ARMC8: variants seen among roughly 807,000 people sequenced by gnomAD.
The protein encoded by ARMC8 is armadillo repeat containing 8.
In ARMC8, 20 loss-of-function variants were observed where a neutral mutation model predicts 99.3. The observed-to-expected ratio is 0.20, with a 90% CI of 0.14 to 0.29. The LOEUF (loss-of-function observed/expected upper bound fraction) is 0.29. ARMC8 is among the 10% of genes least tolerant of loss of function. ARMC8 has a pLI of 1.00. For missense variants in ARMC8, 569 were observed against 809.5 expected, an observed-to-expected ratio of 0.70 and a Z score of 3.60; for synonymous variants, 263 against 278.3, an observed-to-expected ratio of 0.95 and a Z score of 0.55.
chr3:138,283,014 A>T (rs954009584), intron 18 of ARMC8, among the ~76,000 whole-genome samples: 1 of 152,178 alleles, frequency 6.6e-6, no homozygotes, highest in Non-Finnish European at 1.5e-5. Flanking sequence ...TGTCTGTCCC[A>T]CTTCTTGGGC....
rs187217179 is a variant in ARMC8, at chr3:138,297,943, A to G, written c.*2051A>G. The G allele has an allele frequency of 9.2e-5, 14 of 152,374 alleles. No homozygotes were observed. Among genetic ancestry groups the G allele is most frequent in the African/African-American group, 3.4e-4 (14 of 41,592 alleles). The allele number at this position is 152,374 out of a possible 1,614,324, so 9.4% of individuals were successfully genotyped here. ...ATAGCATTAGAAAGCTGAAGGCCCA[A>G]TGAAATAACACTTTCACACTTAAAC... On this transcript the variant is annotated 3_prime_UTR_variant, in exon 22 of 22. Coordinates refer to ENST00000469044, the MANE Select transcript of ARMC8 (RefSeq NM_001363941.2).
intron 6 of ARMC8, among the ~76,000 whole-genome samples, chr3:138,229,744 A>G (rs1559959156): frequency 1.3e-5 from 2 of 152,226 alleles, no homozygotes; most frequent in Admixed American, 6.5e-5. Flanking sequence ...TGTTGAATGT[A>G]TCATTTTTGA....
intron 1 of ARMC8, among the ~76,000 whole-genome samples, chr3:138,206,454 C>T (rs545876575): frequency 6.6e-6 from 1 of 152,140 alleles, no homozygotes; most frequent in African/African-American, 2.4e-5. Context: ...CTATAATGGC[C>T]TCCTATTCTT....
At chr3:138,244,422 C>T (rs764490104) in intron 11 of ARMC8, among the ~76,000 whole-genome samples, 2 of 152,078 alleles carry the variant, frequency 1.3e-5, no homozygotes, top group Non-Finnish European at 2.9e-5. Context: ...GGACTACAGG[C>T]GCCTGCCACC....
chr3:138,276,398 T>C (rs2049296905), intron 18 of ARMC8, among the ~76,000 whole-genome samples: 1 of 152,160 alleles, frequency 6.6e-6, no homozygotes, highest in African/African-American at 2.4e-5. Context: ...TGCCCTTAAA[T>C]TGGGAACAAG....
intron 6 of ARMC8, among the ~76,000 whole-genome samples, chr3:138,229,413 A>C (rs1576687610): frequency 6.8e-6 from 1 of 147,632 alleles, no homozygotes; most frequent in South Asian, 2.1e-4. Flanking sequence ...TGGAGCATTT[A>C]GTTTGTTTCC....
At chr3:138,189,675 A>G (rs779297710) in intron 1 of ARMC8, among the ~76,000 whole-genome samples, 21 of 152,214 alleles carry the variant, frequency 1.4e-4, no homozygotes, top group Admixed American at 2.6e-4. Flanking sequence ...GAGGCATTCA[A>G]GTTGTTTTAA....
At position 138,223,497 on chromosome 3, in the gene ARMC8, A is replaced by G. The variant is rs747794068; in HGVS notation, c.303A>G (p.Leu101=). The change falls in exon 4 of 22, where the codon CTA becomes CTG. Residue 101 remains leucine (L), a synonymous_variant. Transcript: ENST00000469044. ...AMGTENNVKS[L]LDCHIIPALL... is the part of the protein sequence containing the mutation. ...GTACTGAAAACAATGTCAAGTCTCTACTGGACTGCCATATTATCCCTGCCT... is the reference window on the plus strand; with the variant it reads ...GTACTGAAAACAATGTCAAGTCTCTGCTGGACTGCCATATTATCCCTGCCT... The G allele has an allele frequency of 1.2e-6, 2 of 1,614,096 alleles. No individual in the cohort carries two copies. Among genetic ancestry groups the G allele is most frequent in the South Asian group, 1.1e-5 (1 of 91,090 alleles).
rs1250658221 is a variant in ARMC8, at chr3:138,297,290, C to T, written c.*1398C>T. 7 of 152,184 alleles carry T rather than the reference C, an allele frequency of 4.6e-5. No individual in the cohort carries two copies. The East Asian group carries it at 1.3e-3, about 29-fold the overall frequency. The allele number at this position is 152,184 out of a possible 1,614,324, so 9.4% of individuals were successfully genotyped here. ...CCTTTCTGCACCCCTTAGCTTGGCCCCTGCTCCAACTTCTGGGTCAGCAGC... is the reference window on the plus strand; with the variant it reads ...CCTTTCTGCACCCCTTAGCTTGGCCTCTGCTCCAACTTCTGGGTCAGCAGC... On this transcript the variant is annotated 3_prime_UTR_variant, in exon 22 of 22. Coordinates refer to ENST00000469044, the MANE Select transcript of ARMC8 (RefSeq NM_001363941.2).
At chr3:138,221,129 G>A (rs1053206297) in intron 2 of ARMC8, among the ~76,000 whole-genome samples, 2 of 152,168 alleles carry the variant, frequency 1.3e-5, no homozygotes, top group Non-Finnish European at 2.9e-5. Context: ...TTGTGGAATA[G>A]AGTTTTGCTC....
chr3:138,231,208 T>A (rs1206655185), intron 6 of ARMC8, among the ~76,000 whole-genome samples: 1 of 152,240 alleles, frequency 6.6e-6, no homozygotes, highest in Admixed American at 6.5e-5. Context: ...TGACAACATG[T>A]ATCTTTGAGA....
chr3:138,259,870 A>G (rs1403976654), intron 12 of ARMC8, among the ~76,000 whole-genome samples: 2 of 152,214 alleles, frequency 1.3e-5, no homozygotes, highest in Non-Finnish European at 2.9e-5. Context: ...CCTAGATTGT[A>G]AAATTCCTGT....
intron 21 of ARMC8, among the ~76,000 whole-genome samples, chr3:138,294,574 CTG>C (rs918693667): frequency 2.4e-4 from 37 of 152,298 alleles, no homozygotes; most frequent in Admixed American, 2.2e-3. Flanking sequence ...ACTTAAAAAA[CTG>C]TTGTGTCCAT....
intron 12 of ARMC8, among the ~76,000 whole-genome samples, chr3:138,251,129 T>C (rs2047105156): frequency 6.6e-6 from 1 of 151,110 alleles, no homozygotes; most frequent in South Asian, 2.1e-4. Flanking sequence ...ACTGTACTAC[T>C]GCACTACAGC....
intron 12 of ARMC8, chr3:138,245,393 A>G (rs2046835745): frequency 7.2e-7 from 1 of 1,396,856 alleles, no homozygotes; most frequent in Non-Finnish European, 9.3e-7. Context: ...GCCGTGCTGG[A>G]ATGACAAATA....
chr3:138,289,178 G>A, intron 20 of ARMC8, 58 bp downstream of exon 20: 2 of 1,396,014 alleles, frequency 1.4e-6, no homozygotes, highest in Non-Finnish European at 2.0e-6. Context: ...TCTTGCACAG[G>A]GAAGCTAGCA....
intron 6 of ARMC8, among the ~76,000 whole-genome samples, chr3:138,230,295 T>G (rs1464520125): frequency 6.6e-6 from 1 of 152,132 alleles, no homozygotes; most frequent in Non-Finnish European, 1.5e-5. Flanking sequence ...AACAACAAAA[T>G]GACGTCTTAT....
At chr3:138,259,358 A>AT (rs1168242943) in intron 12 of ARMC8, among the ~76,000 whole-genome samples, 1 of 151,986 alleles carries the variant, frequency 6.6e-6, no homozygotes, top group Non-Finnish European at 1.5e-5. Flanking sequence ...TTTTGTCCTC[A>AT]TTTTTGTCAG....
rs2043119062 is a variant in ARMC8 at position 138,187,357 on chromosome 3, A to G, written c.-198A>G. On this transcript the variant is annotated 5_prime_UTR_variant, in exon 1 of 22. Coordinates refer to ENST00000469044, the MANE Select transcript of ARMC8 (RefSeq NM_001363941.2). ...TGCTGTTTCTGAGAGAACGATTCGT[A>G]GGACAGCCCCTGACGCCATTCCCTT... 2 of 545,570 alleles carry G rather than the reference A, an allele frequency of 3.7e-6. No homozygotes were observed. The highest frequency in any genetic ancestry group is 6.3e-5 in the East Asian group (2 of 31,642). The allele number at this position is 545,570 out of a possible 1,614,324, so 33.8% of individuals were successfully genotyped here. A position where few individuals can be genotyped will look rare whatever the true frequency, so the allele number is the denominator to read the frequency against.
Sources: gnomAD v4.1 joint callset for allele counts (sites outside exome capture counted in the v4.1 genomes callset) on GRCh38, gnomAD v4.1.1 for gene constraint, MANE v1.5 for transcripts, NCBI Gene and HGNC (gene_info 2026-07-23, HGNC 2026-07-21) for gene names.